CDH13: variants seen among roughly 807,000 people sequenced by gnomAD.
CDH13 encodes cadherin 13.
A neutral mutation model predicts 63.8 loss-of-function variants in CDH13; 24 were observed. The ratio of observed to expected loss-of-function variants is 0.38; its 90% CI spans 0.27 to 0.53. The LOEUF is 0.53. Among genes scored for constraint, CDH13 ranks in the 20% least tolerant of loss-of-function variants. The probability of loss-of-function intolerance (pLI) is 0.85; values close to 1 mark genes in which losing one functional copy is unlikely to be tolerated. For missense variants in CDH13, 1,049 were observed against 903.1 expected, an observed-to-expected ratio of 1.16 and a Z score of -2.07; for synonymous variants, 503 against 355.3, an observed-to-expected ratio of 1.42 and a Z score of -4.67.
chr16:82,679,381 G>T lies in CDH13; in HGVS notation c.45+52244G>T, dbSNP rs189191871. Reference sequence around the variant, plus strand: ...AGCAGGGTAGCAGGGAGCAAGAACTGTCCAACATAATCTAGTTTACCTATG... The same window carrying T: ...AGCAGGGTAGCAGGGAGCAAGAACTTTCCAACATAATCTAGTTTACCTATG... On this transcript the variant is annotated intron_variant, in intron 1 of 13. Coordinates refer to ENST00000567109, the MANE Select transcript of CDH13 (RefSeq NM_001257.5). Among the ~76,000 whole-genome samples, 330 of 152,288 alleles carry T rather than the reference G, an allele frequency of 2.2e-3. 2 individuals are homozygous for T. Among genetic ancestry groups the T allele is most frequent in the Middle Eastern group, 6.8e-3 (2 of 294 alleles).
At chr16:82,774,646 C>A (rs1002625133) in intron 1 of CDH13, among the ~76,000 whole-genome samples, 1 of 152,180 alleles carries the variant, frequency 6.6e-6, no homozygotes, top group African/African-American at 2.4e-5. Flanking sequence ...TACCATCACC[C>A]TGTGTTAAAG....
intron 3 of CDH13, among the ~76,000 whole-genome samples, chr16:83,041,596 G>C (rs1221319700): frequency 6.6e-6 from 1 of 152,090 alleles, no homozygotes; most frequent in Non-Finnish European, 1.5e-5. Flanking sequence ...GGAATTATTT[G>C]GTAAGTACCT....
chr16:83,290,899 C>G (rs867563590), intron 5 of CDH13, among the ~76,000 whole-genome samples: 2 of 152,112 alleles, frequency 1.3e-5, no homozygotes, highest in South Asian at 4.1e-4. Flanking sequence ...CCCATCTCTA[C>G]GCAGGGAACA....
At chr16:83,503,049 A>C (rs190104557) in intron 7 of CDH13, among the ~76,000 whole-genome samples, 3 of 152,304 alleles carry the variant, frequency 2.0e-5, no homozygotes, top group African/African-American at 7.2e-5. Context: ...CAGCCTTACA[A>C]AGGCTACACA....
Position 82,995,278 on chromosome 16 carries a change from C to T in CDH13, c.158-36732C>T, listed in dbSNP as rs372213542. 3.6e-4 allele frequency among the ~76,000 whole-genome samples: 55 copies of T among 152,250 alleles called. No homozygotes were observed. In the South Asian group the frequency reaches 0.011, roughly 29 times the overall value. ...TTGCAACAGCAGATTTTGCTGGGCT[C>T]GTGGTCACTCAGCTAAAGACTACTT... On this transcript the variant is annotated intron_variant, in intron 2 of 13. Transcript: ENST00000567109.
At chr16:82,870,861 T>C (rs1020652673) in intron 2 of CDH13, among the ~76,000 whole-genome samples, 2 of 152,238 alleles carry the variant, frequency 1.3e-5, no homozygotes, top group African/African-American at 4.8e-5. Flanking sequence ...CCTGAAATAT[T>C]AGCTGTCAGA....
At chr16:83,413,007 G>C (rs531370870) in intron 6 of CDH13, among the ~76,000 whole-genome samples, 18 of 152,198 alleles carry the variant, frequency 1.2e-4, no homozygotes, top group African/African-American at 3.4e-4. Flanking sequence ...TGTTTTCTTT[G>C]TCCAATATAT....
chr16:83,387,701 G>A (rs570630098), intron 6 of CDH13, among the ~76,000 whole-genome samples: 1 of 152,220 alleles, frequency 6.6e-6, no homozygotes, highest in African/African-American at 2.4e-5. Context: ...GGTTGAGAAT[G>A]TCTGCCTTAT....
At chr16:82,636,684 T>C (rs1908695665) in intron 1 of CDH13, among the ~76,000 whole-genome samples, 1 of 152,178 alleles carries the variant, frequency 6.6e-6, no homozygotes, top group Non-Finnish European at 1.5e-5. Flanking sequence ...AATATTCAAC[T>C]GGGTGCCAGG....
chr16:83,465,909 C>T (rs1240262873), intron 6 of CDH13, among the ~76,000 whole-genome samples: 9 of 152,226 alleles, frequency 5.9e-5, no homozygotes, highest in Admixed American at 5.9e-4. Context: ...TCTCTTTACC[C>T]TGCTGGAATC....
chr16:83,798,930 CA>C lies in CDH13; in HGVS notation c.*3902del, dbSNP rs1357277711. On this transcript the variant is annotated 3_prime_UTR_variant, in exon 14 of 14. Transcript: ENST00000567109. ...TGAGACCTTAGAAATTTTTCCTGTG[CA>C]AGATAACGTAATTATTTGCCCCTTC... The C allele has an allele frequency of 6.6e-6, 1 of 151,942 alleles. No individual in the cohort carries two copies. Among genetic ancestry groups the C allele is most frequent in the Non-Finnish European group, 1.5e-5 (1 of 67,978 alleles). The allele number at this position is 151,942 out of a possible 1,614,324, so 9.4% of individuals were successfully genotyped here.
chr16:82,848,769 C>G (rs2039367433), intron 1 of CDH13, among the ~76,000 whole-genome samples: 1 of 152,172 alleles, frequency 6.6e-6, no homozygotes, highest in Non-Finnish European at 1.5e-5. Flanking sequence ...AAAGTACTTT[C>G]TTTGCCTCTA....
intron 7 of CDH13, among the ~76,000 whole-genome samples, chr16:83,595,700 C>T (rs552886603): frequency 2.0e-5 from 3 of 152,338 alleles, no homozygotes; most frequent in East Asian, 3.9e-4. Context: ...CTTCTGCTCA[C>T]GTTCCACTGA....
intron 7 of CDH13, among the ~76,000 whole-genome samples, chr16:83,535,222 A>G (rs962692310): frequency 6.6e-6 from 1 of 152,262 alleles, no homozygotes; most frequent in Non-Finnish European, 1.5e-5. Flanking sequence ...GCAGCCTGGT[A>G]TGTGCAAGAA....
intron 6 of CDH13, among the ~76,000 whole-genome samples, chr16:83,381,800 A>G (rs1487928757): frequency 2.0e-5 from 3 of 152,076 alleles, no homozygotes; most frequent in African/African-American, 2.4e-5. Context: ...GAATGCAGCC[A>G]TTGCCACCCT....
intron 5 of CDH13, among the ~76,000 whole-genome samples, chr16:83,337,596 A>G (rs1279542304): frequency 8.4e-6 from 1 of 119,500 alleles, no homozygotes; most frequent in Non-Finnish European, 1.7e-5. Context: ...CACTGTTGTC[A>G]TTTGAGAATT....
chr16:83,225,419 A>G (rs1318274072), intron 5 of CDH13, among the ~76,000 whole-genome samples: 1 of 152,114 alleles, frequency 6.6e-6, no homozygotes, highest in Admixed American at 6.6e-5. Context: ...GAGCCAGGCA[A>G]ATTTGTCCCA....
At chr16:82,816,887 G>T (rs910700604) in intron 1 of CDH13, among the ~76,000 whole-genome samples, 2 of 151,960 alleles carry the variant, frequency 1.3e-5, no homozygotes, top group East Asian at 3.9e-4. Context: ...TACAACGAAA[G>T]GATAATGTGA....
intron 5 of CDH13, among the ~76,000 whole-genome samples, chr16:83,227,165 G>T (rs2039865556): frequency 1.3e-5 from 2 of 152,206 alleles, no homozygotes; most frequent in Admixed American, 6.5e-5. Context: ...AAACGATTGG[G>T]TCAGAACCCG....
Sources: allele counts gnomAD v4.1 joint callset (sites outside exome capture counted in the v4.1 genomes callset), GRCh38; gene constraint gnomAD v4.1.1; transcripts MANE v1.5; gene names NCBI Gene and HGNC (gene_info 2026-07-23, HGNC 2026-07-21).